The following BPTF variants were observed in gnomAD, a reference collection of about 807,000 sequenced individuals.
BPTF encodes nucleosome-remodeling factor subunit BPTF.
A neutral mutation model predicts 292.5 loss-of-function variants in BPTF; 18 were observed. The ratio of observed to expected loss-of-function variants is 0.06; its 90% CI spans 0.04 to 0.09. The LOEUF (loss-of-function observed/expected upper bound fraction) is 0.09. Among genes scored for constraint, BPTF ranks in the 10% least tolerant of loss-of-function variants. The pLI is 1.00. For missense variants in BPTF, 2,726 were observed against 3,498.7 expected, an observed-to-expected ratio of 0.78 and a Z score of 5.57; for synonymous variants, 1,225 against 1,251.9, an observed-to-expected ratio of 0.98 and a Z score of 0.45.
chr17:67,838,047 C>G (rs2057269749), intron 1 of BPTF, among the ~76,000 whole-genome samples: 1 of 152,166 alleles, frequency 6.6e-6, no homozygotes, highest in African/African-American at 2.4e-5. Flanking sequence ...ATCTAATGGT[C>G]AGGGGACTGG....
At position 67,866,500 on chromosome 17, in the gene BPTF, T is replaced by G. The variant is rs1339797656; in HGVS notation, c.1473T>G (p.Ile491Met). The change falls in exon 3 of 28, where the codon ATT becomes ATG. Residue 491 changes from isoleucine (I) to methionine (M), a missense_variant. Physicochemically the swap from Ile to Met is conservative, Grantham distance 10. Coordinates refer to ENST00000306378, the MANE Select transcript of BPTF (RefSeq NM_182641.4). ...CAGAAAATGAAAATGAAAAGAAAAT[T>G]TGGTATTACAGCACAAAGGTCCAAC... ...EDTENENEKK[I>M]WYYSTKVQLA... 2.5e-6 allele frequency: 4 copies of G among 1,613,472 alleles called. No individual in the cohort carries two copies. Among genetic ancestry groups the G allele is most frequent in the Non-Finnish European group, 3.4e-6 (4 of 1,179,594 alleles).
Position 67,837,711 on chromosome 17 carries a change from A to G in BPTF, c.613+11374A>G, listed in dbSNP as rs145859683. Among the ~76,000 whole-genome samples, 233 of 152,236 alleles carry G rather than the reference A, an allele frequency of 1.5e-3. 1 individual carries two copies. The highest frequency in any genetic ancestry group is 5.2e-3 in the African/African-American group (217 of 41,550). On this transcript the variant is annotated intron_variant, in intron 1 of 27. Transcript: ENST00000306378. ...AGGCGTGAGCCACCGTGCCCAGCCT[A>G]TGTGGTTTTAAATTAACTTTTTCTA...
chr17:67,955,807 T>TC (rs1402824091), intron 23 of BPTF: 1 of 151,500 alleles, frequency 6.6e-6, no homozygotes, highest in Non-Finnish European at 1.5e-5. Flanking sequence ...GGAATGAGAC[T>TC]CCATCTCGAA....
At chr17:67,942,287 C>T (rs2065434641) in intron 19 of BPTF, among the ~76,000 whole-genome samples, 1 of 150,702 alleles carries the variant, frequency 6.6e-6, no homozygotes, top group Non-Finnish European at 1.5e-5. Context: ...TGCACTCCAA[C>T]CTAGGCAACA....
chr17:67,863,943 A>T (rs1366288284), intron 2 of BPTF, among the ~76,000 whole-genome samples: 1 of 152,012 alleles, frequency 6.6e-6, no homozygotes, highest in Non-Finnish European at 1.5e-5. Flanking sequence ...TCTTAATTAT[A>T]TTTTTAGCAA....
intron 26 of BPTF, chr17:67,975,435 T>G (rs555265183): frequency 1.7e-5 from 3 of 172,786 alleles, no homozygotes; most frequent in African/African-American, 7.1e-5. Context: ...CTAAATGGTT[T>G]GCATGTAAAA....
chr17:67,925,762 T>C (rs144142668), intron 15 of BPTF, among the ~76,000 whole-genome samples: 1,758 of 152,158 alleles, frequency 0.012, 13 homozygotes, highest in Non-Finnish European at 0.017. Flanking sequence ...TTCCCTTTCA[T>C]TTTATAAAAC....
chr17:67,958,949 C>T (rs2067207087), intron 23 of BPTF, among the ~76,000 whole-genome samples: 1 of 151,968 alleles, frequency 6.6e-6, no homozygotes, highest in Non-Finnish European at 1.5e-5. Flanking sequence ...GAAACTGCAT[C>T]TCAAAAAATA....
intron 2 of BPTF, among the ~76,000 whole-genome samples, chr17:67,864,320 C>T (rs942041466): frequency 2.6e-5 from 4 of 151,732 alleles, no homozygotes; most frequent in East Asian, 1.9e-4. Context: ...TGAGGCCAGA[C>T]GTTCAAGACT....
At chr17:67,900,385 G>A (rs1450638576) in intron 7 of BPTF, among the ~76,000 whole-genome samples, 20 of 152,088 alleles carry the variant, frequency 1.3e-4, no homozygotes, top group Non-Finnish European at 1.3e-4. Context: ...GATTACAGGC[G>A]TTAGCCACCG....
At chr17:67,932,803 TAAAA>T (rs985864496) in intron 18 of BPTF, among the ~76,000 whole-genome samples, 1 of 147,406 alleles carries the variant, frequency 6.8e-6, no homozygotes, top group South Asian at 2.1e-4. Flanking sequence ...CTACAAAAGA[TAAAA>T]AAACTAGAGA....
chr17:67,871,120 A>G (rs1050299331), intron 3 of BPTF, among the ~76,000 whole-genome samples: 1 of 151,828 alleles, frequency 6.6e-6, no homozygotes, highest in Admixed American at 6.6e-5. Context: ...ATCTACACAC[A>G]CACGTGTCTA....
At chr17:67,881,259 CTT>C (rs543664500) in intron 4 of BPTF, among the ~76,000 whole-genome samples, 60 of 152,172 alleles carry the variant, frequency 3.9e-4, no homozygotes, top group Admixed American at 3.8e-3. Flanking sequence ...GCTACTATCA[CTT>C]TTAAAAGTTA....
At chr17:67,914,845 T>G (rs571303435) in intron 11 of BPTF, among the ~76,000 whole-genome samples, 2 of 152,290 alleles carry the variant, frequency 1.3e-5, no homozygotes, top group African/African-American at 4.8e-5. Flanking sequence ...CATTTTTTAA[T>G]GGGAGGAAAT....
At chr17:67,974,835 G>A (rs1365962158) in intron 26 of BPTF, 2 of 152,224 alleles carry the variant, frequency 1.3e-5, no homozygotes, top group African/African-American at 2.4e-5. Flanking sequence ...GAAGCTCTCC[G>A]AACCCGGTCC....
At chr17:67,835,495 C>T (rs945121642) in intron 1 of BPTF, among the ~76,000 whole-genome samples, 1 of 152,114 alleles carries the variant, frequency 6.6e-6, no homozygotes, top group African/African-American at 2.4e-5. Flanking sequence ...GTGAAGTCCT[C>T]CTTTGTGGAG....
Position 67,874,797 on chromosome 17 carries a change from G to A in BPTF, c.1661-20G>A. On this transcript the variant is annotated intron_variant, in intron 3 of 27. Transcript: ENST00000306378. ...GGTTATATATAGGAATAATTTTTTT[G>A]TTTGTTTTACACATTATAGAAGAAA... 6.5e-7 allele frequency: 1 copy of A among 1,549,238 alleles called. No homozygotes were observed. The highest frequency in any genetic ancestry group is 1.2e-5 in the South Asian group (1 of 85,008).
At position 67,931,973 on chromosome 17, in the gene BPTF, A is replaced by G; in HGVS notation, c.6213A>G (p.Ser2071=). The part of the protein sequence containing the change: ...MTVIRTPLQQ[S]TLGKAIIRTP... ...TGATTAGAACACCACTCCAACAGTC[A>G]ACACTAGGAAAGGCAATTATTCGAA... Residue 2071 remains serine, a synonymous_variant, in exon 18 of 28, where the codon TCA becomes TCG. Transcript: ENST00000306378. 1 of 1,614,126 alleles carries G rather than the reference A, an allele frequency of 6.2e-7. No homozygotes were observed.
chr17:67,834,986 G>A (rs1429123475), intron 1 of BPTF, among the ~76,000 whole-genome samples: 2 of 152,190 alleles, frequency 1.3e-5, no homozygotes, highest in Non-Finnish European at 2.9e-5. Flanking sequence ...GCTGAGGTGG[G>A]AAGATCACTT....
Sources: allele counts gnomAD v4.1 joint callset (sites outside exome capture counted in the v4.1 genomes callset), GRCh38; gene constraint gnomAD v4.1.1; transcripts MANE v1.5; gene names NCBI Gene and HGNC (gene_info 2026-07-23, HGNC 2026-07-21).